The following NRXN1 variants were observed in gnomAD, a reference collection of about 807,000 sequenced individuals.
NRXN1 encodes the protein neurexin 1.
In NRXN1, 39 loss-of-function variants were observed where a neutral mutation model predicts 150.9. That is an observed-to-expected ratio of 0.26 (90% CI 0.20 to 0.34). The LOEUF (loss-of-function observed/expected upper bound fraction) is 0.34. Ranked by LOEUF, NRXN1 falls within the 10% of genes least tolerant of loss-of-function variation. The pLI is 1.00. For missense variants in NRXN1, 1,815 were observed against 1,949.9 expected, an observed-to-expected ratio of 0.93 and a Z score of 1.30; for synonymous variants, 924 against 757.0, an observed-to-expected ratio of 1.22 and a Z score of -3.62.
chr2:50,569,784 G>C (rs1670390706), intron 8 of NRXN1, among the ~76,000 whole-genome samples: 1 of 152,112 alleles, frequency 6.6e-6, no homozygotes, highest in African/African-American at 2.4e-5. Flanking sequence ...ATTAACTTCT[G>C]CAGGTGTATA....
intron 18 of NRXN1, among the ~76,000 whole-genome samples, chr2:50,102,462 T>C (rs959948858): frequency 2.6e-5 from 4 of 152,064 alleles, no homozygotes; most frequent in African/African-American, 9.7e-5. Flanking sequence ...CCAATATTTA[T>C]GTACTTATTC....
intron 21 of NRXN1, among the ~76,000 whole-genome samples, chr2:49,960,288 G>C (rs1221079039): frequency 6.6e-6 from 1 of 152,096 alleles, no homozygotes; most frequent in Non-Finnish European, 1.5e-5. Flanking sequence ...ATAACTATCT[G>C]TGTTGCTTAT....
intron 18 of NRXN1, among the ~76,000 whole-genome samples, chr2:50,211,481 A>G (rs1433947891): frequency 6.6e-6 from 1 of 151,528 alleles, no homozygotes; most frequent in Non-Finnish European, 1.5e-5. Flanking sequence ...TGAATTATAA[A>G]CCTTGTAATT....
In NRXN1 at chr2:50,846,988, AG is replaced by A. The variant is rs1673750690; in HGVS notation, c.832+74880del. On this transcript the variant is annotated intron_variant, in intron 5 of 22. Coordinates refer to ENST00000401669, the MANE Select transcript of NRXN1 (RefSeq NM_001330078.2). The stretch of plus-strand genomic sequence containing the variant: ...AATGATTGGATAAAAAGTATGCTCT[AG>A]TGGTAATAAACTGGGAGAAACTTAG... Among the ~76,000 whole-genome samples, 4 of 152,206 alleles carry A rather than the reference AG, an allele frequency of 2.6e-5. No homozygotes were observed. In the South Asian group the frequency reaches 8.3e-4, roughly 31 times the overall value.
chr2:50,372,852 T>C (rs1303737056), intron 17 of NRXN1, among the ~76,000 whole-genome samples: 1 of 152,036 alleles, frequency 6.6e-6, no homozygotes, highest in East Asian at 1.9e-4. Flanking sequence ...GCAACATTGA[T>C]CCTACCAAAT....
At chr2:50,595,178 C>A (rs1008072600) in intron 8 of NRXN1, among the ~76,000 whole-genome samples, 1 of 151,884 alleles carries the variant, frequency 6.6e-6, no homozygotes, top group African/African-American at 2.4e-5. Context: ...GATGGTGAGA[C>A]CTCAGTGTGC....
At chr2:50,850,670 A>G (rs1331451749) in intron 5 of NRXN1, among the ~76,000 whole-genome samples, 1 of 152,186 alleles carries the variant, frequency 6.6e-6, no homozygotes, top group Non-Finnish European at 1.5e-5. Flanking sequence ...ATGCTTAAAG[A>G]GCCATTTATT....
intron 17 of NRXN1, among the ~76,000 whole-genome samples, chr2:50,462,415 A>G (rs552543809): frequency 3.3e-5 from 5 of 151,880 alleles, no homozygotes; most frequent in Admixed American, 2.0e-4. Flanking sequence ...GAAAGAACAA[A>G]ACTGGCAGAG....
intron 21 of NRXN1, among the ~76,000 whole-genome samples, chr2:50,047,252 A>T (rs1424276690): frequency 6.6e-6 from 1 of 152,042 alleles, no homozygotes; most frequent in Non-Finnish European, 1.5e-5. Context: ...TCTATGCCTC[A>T]ATTTCCTCCT....
intron 5 of NRXN1, among the ~76,000 whole-genome samples, chr2:50,875,843 C>T (rs974571013): frequency 1.3e-5 from 2 of 151,906 alleles, no homozygotes; most frequent in East Asian, 3.9e-4. Context: ...TCATCTCAGG[C>T]TTATAGCACA....
intron 5 of NRXN1, among the ~76,000 whole-genome samples, chr2:50,789,561 T>C (rs1705641785): frequency 6.6e-6 from 1 of 152,168 alleles, no homozygotes; most frequent in South Asian, 2.1e-4. Flanking sequence ...TCTGAGACAG[T>C]GGGGCAGCAA....
chr2:50,920,236 G>A (rs1425130826), intron 5 of NRXN1, among the ~76,000 whole-genome samples: 2 of 151,818 alleles, frequency 1.3e-5, no homozygotes, highest in South Asian at 2.1e-4. Flanking sequence ...AAAATCTGAT[G>A]AAAACTGGTG....
intron 17 of NRXN1, among the ~76,000 whole-genome samples, chr2:50,296,327 T>C (rs1291362140): frequency 6.6e-6 from 1 of 152,190 alleles, no homozygotes; most frequent in African/African-American, 2.4e-5. Flanking sequence ...TTCATGCAAT[T>C]GCCACAAGAG....
intron 17 of NRXN1, among the ~76,000 whole-genome samples, chr2:50,363,447 T>G (rs1341029311): frequency 6.6e-6 from 1 of 152,160 alleles, no homozygotes; most frequent in Non-Finnish European, 1.5e-5. Flanking sequence ...GAACAGACAC[T>G]TTTCAAAAGA....
In NRXN1 at chr2:50,475,424, A is replaced by T. The variant is rs138056825; in HGVS notation, c.3071-2953T>A. ...AAAAGAGGAAACAGTAAGGCAACAC[A>T]TGAGGAGAGTGCTAATTCTAAAATG... On this transcript the variant is annotated intron_variant, in intron 15 of 22. Transcript: ENST00000401669. Among the ~76,000 whole-genome samples the T allele has an allele frequency of 8.4e-3, 1,281 of 152,184 alleles. 26 individuals carry two copies. The highest frequency in any genetic ancestry group is 0.029 in the African/African-American group (1,221 of 41,530).
chr2:50,936,732 C>A (rs1023230464), intron 2 of NRXN1, among the ~76,000 whole-genome samples: 1 of 151,608 alleles, frequency 6.6e-6, no homozygotes, highest in African/African-American at 2.4e-5. Flanking sequence ...TGGCTCAGAG[C>A]AATATGAAAA....
At chr2:50,401,106 G>A (rs528417712) in intron 17 of NRXN1, among the ~76,000 whole-genome samples, 3 of 152,056 alleles carry the variant, frequency 2.0e-5, no homozygotes, top group South Asian at 2.1e-4. Context: ...TGATTTTCTC[G>A]GATATTTTTG....
rs537020570 is a variant in NRXN1 at position 50,240,295 on chromosome 2, T to C, written c.3365-3325A>G. On this transcript the variant is annotated intron_variant, in intron 17 of 22. Coordinates refer to ENST00000401669, the MANE Select transcript of NRXN1 (RefSeq NM_001330078.2). The stretch of plus-strand genomic sequence containing the variant: ...AGATATATCCTGAGAGCAGTCTTTC[T>C]TAGTTTTTCTTCTGTATGCACAGTA... 7.2e-5 allele frequency among the ~76,000 whole-genome samples: 11 copies of C among 151,912 alleles called. No individual in the cohort carries two copies. The South Asian group carries it at 2.1e-3, about 29-fold the overall frequency.
intron 9 of NRXN1, among the ~76,000 whole-genome samples, chr2:50,550,160 T>C (rs1323257081): frequency 6.6e-6 from 1 of 152,160 alleles, no homozygotes; most frequent in Admixed American, 6.6e-5. Context: ...ATTGATTTGA[T>C]GTTTGGTGTT....
Sources: allele counts gnomAD v4.1 joint callset (sites outside exome capture counted in the v4.1 genomes callset), GRCh38; gene constraint gnomAD v4.1.1; transcripts MANE v1.5; gene names NCBI Gene and HGNC (gene_info 2026-07-23, HGNC 2026-07-21).